The following PPP1R9A variants were observed in gnomAD, a reference collection of about 807,000 sequenced individuals.
PPP1R9A encodes the protein protein phosphatase 1 regulatory subunit 9A.
Under a neutral mutation model 141.9 loss-of-function variants are expected in PPP1R9A, and 59 were observed. That is an observed-to-expected ratio of 0.42 (90% CI 0.34 to 0.52). The LOEUF is 0.52. Ranked by LOEUF, PPP1R9A falls within the 20% of genes least tolerant of loss-of-function variation. The pLI, the probability that PPP1R9A is intolerant of heterozygous loss-of-function variation, is 0.10. For synonymous variants in PPP1R9A, 500 were observed against 569.7 expected (o/e 0.88, Z 1.74); for missense variants, 1,444 against 1,611.9 (o/e 0.90, Z 1.78).
At chr7:95,241,676 A>T (rs1490464273) in intron 8 of PPP1R9A, among the ~76,000 whole-genome samples, 1 of 152,122 alleles carries the variant, frequency 6.6e-6, no homozygotes, top group Non-Finnish European at 1.5e-5. Context: ...ACAATTAAAA[A>T]AATTCGACAT....
chr7:94,960,962 G>A (rs913731196), intron 2 of PPP1R9A, among the ~76,000 whole-genome samples: 1 of 151,542 alleles, frequency 6.6e-6, no homozygotes, highest in African/African-American at 2.4e-5. Context: ...TGGTTTTGTA[G>A]ACCCATTTAT....
rs1791350264 is a variant in PPP1R9A at position 94,910,658 on chromosome 7, G to C, written c.545G>C (p.Arg182Thr). 2 of 1,614,192 alleles carry C rather than the reference G, an allele frequency of 1.2e-6. No homozygotes were observed. Among genetic ancestry groups the C allele is most frequent in the Non-Finnish European group, 8.5e-7 (1 of 1,180,026 alleles). The change falls in exon 2 of 20, where the codon AGA becomes ACA. Residue 182 changes from arginine to threonine, a missense_variant. Arg to Thr is a moderately conservative substitution (Grantham distance 71, BLOSUM62 -1). This residue lies in a region of PPP1R9A where 490 missense variants were observed against 521.1 expected (regional missense o/e 0.94). Coordinates refer to ENST00000433360, the MANE Select transcript of PPP1R9A (RefSeq NM_001166160.2). This position sits in a 1 kb window ranked among gnomAD's most constrained non-coding sequence, Gnocchi z 4.5. ...QDEWGGSKSNRGSTDSLDSLS... is the reference protein window; with the variant it reads ...QDEWGGSKSNTGSTDSLDSLS... ...GAATGGGGAGGTTCCAAGTCCAACAGAGGCAGTACTGATTCCTTGGACAGC... is the reference window on the plus strand; with the variant it reads ...GAATGGGGAGGTTCCAAGTCCAACACAGGCAGTACTGATTCCTTGGACAGC...
In PPP1R9A at chr7:95,213,920, G is replaced by A. The variant is rs781047574; in HGVS notation, c.1956+10190G>A. Among the ~76,000 whole-genome samples, 11 of 152,096 alleles carry A rather than the reference G, an allele frequency of 7.2e-5. No individual in the cohort carries two copies. In the East Asian group the frequency reaches 7.7e-4, roughly 11 times the overall value. ...CACAAGGAACACTTCCTACTTTCTC[G>A]TTAGAGAAGGTGATAATGTTGCTAA... On this transcript the variant is annotated intron_variant, in intron 7 of 19. Coordinates refer to ENST00000433360, the MANE Select transcript of PPP1R9A (RefSeq NM_001166160.2).
intron 5 of PPP1R9A, among the ~76,000 whole-genome samples, chr7:95,195,858 C>T (rs187144522): frequency 1.5e-3 from 229 of 152,146 alleles, no homozygotes; most frequent in Middle Eastern, 6.8e-3. Flanking sequence ...CAAGAACAGC[C>T]TGGGCAAAAC....
At chr7:95,287,259 CT>C (rs1159226736) in intron 18 of PPP1R9A, 1 of 1,215,144 alleles carries the variant, frequency 8.2e-7, no homozygotes, top group Non-Finnish European at 1.2e-6. Flanking sequence ...GAAGGGTTTC[CT>C]TGTGTTAAAT....
At chr7:95,060,236 C>G (rs1445469040) in intron 2 of PPP1R9A, among the ~76,000 whole-genome samples, 1 of 152,134 alleles carries the variant, frequency 6.6e-6, no homozygotes. Context: ...TCTTGCCACA[C>G]AGTTTTGAGA....
At chr7:95,103,016 A>G (rs1329899501) in intron 2 of PPP1R9A, among the ~76,000 whole-genome samples, 1 of 152,164 alleles carries the variant, frequency 6.6e-6, no homozygotes, top group Non-Finnish European at 1.5e-5. Context: ...CATCAAATTC[A>G]TTGAAGACCT....
chr7:95,083,171 C>T (rs935143417), intron 2 of PPP1R9A, among the ~76,000 whole-genome samples: 5 of 151,896 alleles, frequency 3.3e-5, no homozygotes, highest in Non-Finnish European at 5.9e-5. Flanking sequence ...TAGGAGCCTT[C>T]AGGAATGAAG....
chr7:95,208,712 A>C (rs940077276), intron 7 of PPP1R9A, among the ~76,000 whole-genome samples: 2 of 151,910 alleles, frequency 1.3e-5, no homozygotes, highest in African/African-American at 4.8e-5. Flanking sequence ...CCACAGAGCG[A>C]GACTCTGTCT....
chr7:95,048,520 C>T (rs747784243), intron 2 of PPP1R9A, among the ~76,000 whole-genome samples: 17 of 149,778 alleles, frequency 1.1e-4, no homozygotes, highest in Admixed American at 2.0e-4. Flanking sequence ...ACCATGACAG[C>T]GTTTTGTTGT....
At chr7:95,140,307 A>T (rs2152565406) in intron 4 of PPP1R9A, among the ~76,000 whole-genome samples, 1 of 152,346 alleles carries the variant, frequency 6.6e-6, no homozygotes, top group East Asian at 1.9e-4. Flanking sequence ...ATCAAGTGGG[A>T]GAAGGCATAT....
At chr7:95,162,393 A>G (rs1220198742) in intron 5 of PPP1R9A, among the ~76,000 whole-genome samples, 4 of 152,188 alleles carry the variant, frequency 2.6e-5, no homozygotes, top group Non-Finnish European at 5.9e-5. Flanking sequence ...TTTTAAATGT[A>G]TACATTCTTT....
At chr7:95,181,595 TATATATATTCTGTCACAC>T (rs1404429743) in intron 5 of PPP1R9A, among the ~76,000 whole-genome samples, 7 of 140,036 alleles carry the variant, frequency 5.0e-5, no homozygotes. Flanking sequence ...ATATATAGAA[TATATATATTCTGTCACAC>T]ATATATATTC....
intron 5 of PPP1R9A, among the ~76,000 whole-genome samples, chr7:95,178,304 A>C (rs1429817403): frequency 3.3e-5 from 5 of 152,182 alleles, no homozygotes. Flanking sequence ...AAATGAAATC[A>C]AGATGAAAAC....
chr7:95,269,155 T>A, intron 13 of PPP1R9A, 52 bp from the exon 14 acceptor site: 1 of 1,457,580 alleles, frequency 6.9e-7, no homozygotes, highest in Non-Finnish European at 9.3e-7. Context: ...AAGTATTGCA[T>A]AGAACTGATA....
At chr7:95,203,531 C>A (rs1020479359) in intron 6 of PPP1R9A, 134 bp from the exon 7 acceptor site, 1 of 544,008 alleles carries the variant, frequency 1.8e-6, no homozygotes, top group East Asian at 3.2e-5. Context: ...TACCAACATG[C>A]CGCAATATTG....
intron 2 of PPP1R9A, among the ~76,000 whole-genome samples, chr7:95,003,440 A>G (rs187802982): frequency 3.4e-4 from 52 of 152,330 alleles, no homozygotes; most frequent in Non-Finnish European, 3.1e-4. Flanking sequence ...AAGTAAGATC[A>G]TTTAGAAACT....
Position 95,125,618 on chromosome 7 carries a change from T to C in PPP1R9A, c.1649+4786T>C, listed in dbSNP as rs17166668. 9.0e-4 allele frequency among the ~76,000 whole-genome samples: 137 copies of C among 152,258 alleles called. 1 individual carries two copies. The East Asian group carries it at 0.021, about 24-fold the overall frequency. The stretch of plus-strand genomic sequence containing the variant: ...CACATGGATGGTAACTGACAAAGGA[T>C]GTTAATAATGCTGTGCTAAATTAGA... On this transcript the variant is annotated intron_variant, in intron 4 of 19. Transcript: ENST00000433360.
chr7:95,037,940 C>T (rs1159763901), intron 2 of PPP1R9A, among the ~76,000 whole-genome samples: 2 of 106,808 alleles, frequency 1.9e-5, no homozygotes, highest in African/African-American at 8.2e-5. Flanking sequence ...CCTTGTTCTA[C>T]AAAATAATTT....
Sources: gnomAD v4.1 joint callset for allele counts (sites outside exome capture counted in the v4.1 genomes callset) on GRCh38, gnomAD v4.1.1 for gene constraint, gnomAD v4.1.1 regional missense constraint, Gnocchi (gnomAD v3.1) non-coding constraint, MANE v1.5 for transcripts, NCBI Gene and HGNC (gene_info 2026-07-23, HGNC 2026-07-21) for gene names.